The following MNAT1 variants were observed in gnomAD, a reference collection of about 807,000 sequenced individuals.
MNAT1 encodes the protein MNAT1 component of CDK activating kinase.
Under a neutral mutation model 42.0 loss-of-function variants are expected in MNAT1, and 43 were observed. The observed-to-expected ratio is 1.02, with a 90% CI of 0.80 to 1.32. MNAT1 has a LOEUF of 1.32. Ranked by LOEUF, MNAT1 falls within the 40% of genes most tolerant of loss-of-function variation. The pLI is 0.00. For synonymous variants in MNAT1, 118 were observed against 120.0 expected (o/e 0.98, Z 0.11); for missense variants, 306 against 350.4 (o/e 0.87, Z 1.01).
intron 7 of MNAT1, among the ~76,000 whole-genome samples, chr14:60,909,458 T>C (rs2035294203): frequency 6.6e-6 from 1 of 152,244 alleles, no homozygotes; most frequent in Non-Finnish European, 1.5e-5. Context: ...TGGTTTTAGA[T>C]CTAACATATA....
At chr14:60,817,935 CTCT>C (rs1344191425) in intron 5 of MNAT1, among the ~76,000 whole-genome samples, 2 of 151,454 alleles carry the variant, frequency 1.3e-5, no homozygotes, top group African/African-American at 4.8e-5. Flanking sequence ...AGAGAGAGAT[CTCT>C]TCTTCCTCCT....
chr14:60,800,867 G>A lies in MNAT1; in HGVS notation c.316+2707G>A, dbSNP rs373905766. Among the ~76,000 whole-genome samples the A allele has an allele frequency of 3.6e-4, 55 of 152,180 alleles. 3 individuals are homozygous for A. In the South Asian group the frequency reaches 0.011, roughly 30 times the overall value. On this transcript the variant is annotated intron_variant, in intron 3 of 7. Coordinates refer to ENST00000261245, the MANE Select transcript of MNAT1 (RefSeq NM_002431.4). ...TTTATAGTTTATTTTCTGAACTTCA[G>A]TTCAATTCAGCAAGTTTTTAAATTA...
intron 7 of MNAT1, among the ~76,000 whole-genome samples, chr14:60,949,788 T>A (rs1430264329): frequency 6.6e-6 from 1 of 151,438 alleles, no homozygotes; most frequent in Non-Finnish European, 1.5e-5. Flanking sequence ...GCATAGATTA[T>A]TTTTTTTTCT....
intron 1 of MNAT1, among the ~76,000 whole-genome samples, chr14:60,789,967 C>T (rs1371185901): frequency 6.6e-6 from 1 of 151,282 alleles, no homozygotes; most frequent in Non-Finnish European, 1.5e-5. Flanking sequence ...TTTCTATTTT[C>T]ACCATAGTAT....
At chr14:60,842,939 G>A (rs949116027) in intron 6 of MNAT1, among the ~76,000 whole-genome samples, 8 of 152,176 alleles carry the variant, frequency 5.3e-5, no homozygotes, top group African/African-American at 1.9e-4. Context: ...TCGAATTACA[G>A]TTTCTACTGA....
chr14:60,748,821 A>C (rs1185799042), intron 1 of MNAT1, among the ~76,000 whole-genome samples: 4 of 152,230 alleles, frequency 2.6e-5, no homozygotes, highest in Non-Finnish European at 5.9e-5. Context: ...ATAAAATAAC[A>C]ATTAAGAAGT....
intron 7 of MNAT1, among the ~76,000 whole-genome samples, chr14:60,922,010 TA>T (rs2035671370): frequency 6.6e-6 from 1 of 152,172 alleles, no homozygotes; most frequent in South Asian, 2.1e-4. Flanking sequence ...AAGTTTGAAA[TA>T]ATTTTTGAAT....
At chr14:60,926,663 C>T (rs953914084) in intron 7 of MNAT1, among the ~76,000 whole-genome samples, 7 of 152,024 alleles carry the variant, frequency 4.6e-5, no homozygotes, top group Non-Finnish European at 7.4e-5. Flanking sequence ...GCACCCGCCA[C>T]GGATCTCCAC....
rs186867597 is a variant in MNAT1 at position 60,820,691 on chromosome 14, A to G, written c.687+1844A>G. 3.4e-3 allele frequency among the ~76,000 whole-genome samples: 523 copies of G among 152,310 alleles called. 4 individuals carry two copies. The highest frequency in any genetic ancestry group is 7.1e-3 in the Admixed American group (108 of 15,304). On this transcript the variant is annotated intron_variant, in intron 6 of 7. Coordinates refer to ENST00000261245, the MANE Select transcript of MNAT1 (RefSeq NM_002431.4). ...ATTGCCATCATTTCTTTAGTGGACT[A>G]TCACAGTAACATTCCACCTGGTGTC...
chr14:60,881,461 C>T (rs975619225), intron 7 of MNAT1, among the ~76,000 whole-genome samples: 25 of 152,140 alleles, frequency 1.6e-4, no homozygotes, highest in African/African-American at 5.8e-4. Flanking sequence ...GCTGGGATTA[C>T]AAGTGTGAAC....
chr14:60,802,765 G>T (rs923225521), intron 3 of MNAT1, among the ~76,000 whole-genome samples: 9 of 151,918 alleles, frequency 5.9e-5, no homozygotes, highest in African/African-American at 1.9e-4. Context: ...AGGTAAACCC[G>T]GGAGAATAGG....
intron 6 of MNAT1, among the ~76,000 whole-genome samples, chr14:60,827,438 T>C (rs1002689117): frequency 3.3e-5 from 5 of 152,176 alleles, no homozygotes; most frequent in African/African-American, 1.2e-4. Flanking sequence ...TCTGAACTCA[T>C]TGGAAGATCT....
chr14:60,799,380 G>A (rs539870289), intron 3 of MNAT1: 1 of 985,356 alleles, frequency 1.0e-6, no homozygotes, highest in Non-Finnish European at 1.2e-6. Context: ...CAAGAACTGG[G>A]CAAGTATGAA....
intron 3 of MNAT1, among the ~76,000 whole-genome samples, chr14:60,803,802 C>A (rs951816841): frequency 6.6e-6 from 1 of 152,036 alleles, no homozygotes; most frequent in Non-Finnish European, 1.5e-5. Context: ...CATTATGAAT[C>A]TTTTGAATAT....
chr14:60,962,515 T>G (rs1258805741), intron 7 of MNAT1, among the ~76,000 whole-genome samples: 1 of 152,212 alleles, frequency 6.6e-6, no homozygotes, highest in East Asian at 1.9e-4. Flanking sequence ...CTGTGTGTTC[T>G]ATAGTTCACA....
rs756225914 is a variant in MNAT1 at position 60,798,175 on chromosome 14, T to C, written c.316+15T>C. 3.8e-6 allele frequency: 5 copies of C among 1,329,080 alleles called. No homozygotes were observed. The African/African-American group carries it at 4.3e-5, about 12-fold the overall frequency. 82.3% of individuals were successfully genotyped at this position (1,329,080 alleles called of 1,614,324 possible). A position where few individuals can be genotyped will look rare whatever the true frequency, so the allele number is the denominator to read the frequency against. Reference sequence around the variant, plus strand: ...GGAAGAAATTGGTACGTTTTTAATTTGATGTATGCTAGCCTATAAGACCAT... The same window carrying C: ...GGAAGAAATTGGTACGTTTTTAATTCGATGTATGCTAGCCTATAAGACCAT... On this transcript the variant is annotated intron_variant, in intron 3 of 7. Transcript: ENST00000261245.
At chr14:60,825,967 T>C (rs974952259) in intron 6 of MNAT1, among the ~76,000 whole-genome samples, 35 of 152,204 alleles carry the variant, frequency 2.3e-4, no homozygotes, top group Admixed American at 1.9e-3. Context: ...TTTCTGGAAA[T>C]AGATCCTTTG....
chr14:60,770,216 T>A (rs1441583687), intron 1 of MNAT1, among the ~76,000 whole-genome samples: 1 of 152,244 alleles, frequency 6.6e-6, no homozygotes, highest in Non-Finnish European at 1.5e-5. Context: ...TTATTCACTT[T>A]GCATAATATT....
intron 7 of MNAT1, among the ~76,000 whole-genome samples, chr14:60,898,677 T>A (rs2035013100): frequency 6.6e-6 from 1 of 152,170 alleles, no homozygotes; most frequent in African/African-American, 2.4e-5. Context: ...AGATGAATAG[T>A]TTGCAAATAT....
Sources: gnomAD v4.1 joint callset for allele counts (sites outside exome capture counted in the v4.1 genomes callset) on GRCh38, gnomAD v4.1.1 for gene constraint, MANE v1.5 for transcripts, NCBI Gene and HGNC (gene_info 2026-07-23, HGNC 2026-07-21) for gene names.